The following DPP10 variants were observed in gnomAD, a reference collection of about 807,000 sequenced individuals.
The protein encoded by DPP10 is dipeptidyl peptidase like 10, also known as inactive dipeptidyl peptidase 10.
A neutral mutation model predicts 120.9 loss-of-function variants in DPP10; 33 were observed. The ratio of observed to expected loss-of-function variants is 0.27; its 90% CI spans 0.21 to 0.37. The LOEUF is 0.37. Among genes scored for constraint, DPP10 ranks in the 10% least tolerant of loss-of-function variants. The pLI, the probability that DPP10 is intolerant of heterozygous loss-of-function variation, is 1.00. For synonymous variants in DPP10, 337 were observed against 326.1 expected (o/e 1.03, Z -0.36); for missense variants, 816 against 942.8 (o/e 0.87, Z 1.76).
chr2:115,063,986 G>A (rs1205990661), intron 1 of DPP10, among the ~76,000 whole-genome samples: 1 of 152,034 alleles, frequency 6.6e-6, no homozygotes, highest in Non-Finnish European at 1.5e-5. Context: ...GTTTCACAGT[G>A]TTGGTTCAAT....
chr2:114,960,687 C>T (rs1232922522), intron 1 of DPP10, among the ~76,000 whole-genome samples: 1 of 152,102 alleles, frequency 6.6e-6, no homozygotes, highest in Non-Finnish European at 1.5e-5. Flanking sequence ...TATATCCATA[C>T]AGTTTCTGCT....
At chr2:115,286,526 A>ATATATATATATAAAT (rs10675008) in intron 1 of DPP10, among the ~76,000 whole-genome samples, 1 of 60,946 alleles carries the variant, frequency 1.6e-5, no homozygotes, top group Non-Finnish European at 3.3e-5. Context: ...ATATATATAT[A>ATATATATATATAAAT]ATATATATAT....
At chr2:115,180,242 C>T (rs78709117) in intron 1 of DPP10, among the ~76,000 whole-genome samples, 2,165 of 152,038 alleles carry the variant, frequency 0.014, 54 homozygotes, top group African/African-American at 0.049. Context: ...AAATCAACTA[C>T]GACTTTGATA....
At chr2:115,308,564 G>A (rs549931546) in intron 1 of DPP10, among the ~76,000 whole-genome samples, 9 of 152,096 alleles carry the variant, frequency 5.9e-5, no homozygotes, top group Middle Eastern at 3.4e-3. Context: ...CACATGCATC[G>A]TGAGAGATGT....
intron 3 of DPP10, among the ~76,000 whole-genome samples, chr2:115,451,662 G>A (rs2073116454): frequency 6.6e-6 from 1 of 151,942 alleles, no homozygotes; most frequent in Non-Finnish European, 1.5e-5. Flanking sequence ...TGTCTTTTAA[G>A]AAGTACTTTA....
chr2:114,532,887 G>T (rs1464113808), intron 1 of DPP10, among the ~76,000 whole-genome samples: 1 of 152,038 alleles, frequency 6.6e-6, no homozygotes, highest in Non-Finnish European at 1.5e-5. Context: ...TATCCAGCAG[G>T]GATATGATCA....
intron 1 of DPP10, among the ~76,000 whole-genome samples, chr2:114,877,921 A>G (rs944172019): frequency 6.6e-6 from 1 of 152,020 alleles, no homozygotes; most frequent in South Asian, 2.1e-4. Context: ...AAATGTTACA[A>G]CTCCAATGTC....
chr2:115,699,690 T>C (rs1270311105), intron 7 of DPP10, among the ~76,000 whole-genome samples: 1 of 152,216 alleles, frequency 6.6e-6, no homozygotes, highest in Non-Finnish European at 1.5e-5. Flanking sequence ...ACCCATTATC[T>C]GCCAGCATTA....
chr2:115,632,136 T>C (rs1054510085), intron 5 of DPP10, among the ~76,000 whole-genome samples: 2 of 152,226 alleles, frequency 1.3e-5, no homozygotes, highest in African/African-American at 4.8e-5. Flanking sequence ...TAGCTCTTCT[T>C]GTTGAATTGA....
intron 1 of DPP10, among the ~76,000 whole-genome samples, chr2:114,637,637 A>C (rs540098351): frequency 6.6e-6 from 1 of 151,930 alleles, no homozygotes; most frequent in South Asian, 2.1e-4. Context: ...TTAAATCTTT[A>C]ATCCATCTTG....
At chr2:114,744,113 A>G (rs1678333265) in intron 1 of DPP10, among the ~76,000 whole-genome samples, 1 of 152,194 alleles carries the variant, frequency 6.6e-6, no homozygotes, top group Non-Finnish European at 1.5e-5. Flanking sequence ...CAAAGCACAG[A>G]ACAGTGTAAA....
At chr2:114,788,514 C>T (rs1321365067) in intron 1 of DPP10, among the ~76,000 whole-genome samples, 1 of 151,472 alleles carries the variant, frequency 6.6e-6, no homozygotes, top group African/African-American at 2.4e-5. Flanking sequence ...CTCCTGAGTT[C>T]AAGTGATTCT....
At chr2:115,465,831 T>TAA (rs11384259) in intron 3 of DPP10, among the ~76,000 whole-genome samples, 1 of 151,906 alleles carries the variant, frequency 6.6e-6, no homozygotes, top group Non-Finnish European at 1.5e-5. Context: ...CAAAAAATAA[T>TAA]AAAAATAAAA....
chr2:115,578,667 G>T (rs756841338), intron 5 of DPP10, among the ~76,000 whole-genome samples: 28 of 152,228 alleles, frequency 1.8e-4, no homozygotes, highest in Non-Finnish European at 2.8e-4. Context: ...GATTTGAGAT[G>T]CTAATCATTA....
intron 1 of DPP10, among the ~76,000 whole-genome samples, chr2:115,277,073 T>C (rs115517794): frequency 0.011 from 1,684 of 152,304 alleles, 28 homozygotes; most frequent in African/African-American, 0.039. Flanking sequence ...ATCTTATAAA[T>C]ATGCATAGCT....
chr2:114,966,868 C>A (rs1192002953), intron 1 of DPP10, among the ~76,000 whole-genome samples: 1 of 151,882 alleles, frequency 6.6e-6, no homozygotes, highest in East Asian at 1.9e-4. Flanking sequence ...ATGGTGAAAC[C>A]CTGCCTCTAC....
At position 115,586,449 on chromosome 2, in the gene DPP10, G is replaced by T. The variant is rs576234328; in HGVS notation, c.441+60477G>T. On this transcript the variant is annotated intron_variant, in intron 5 of 25. Coordinates refer to ENST00000410059, the MANE Select transcript of DPP10 (RefSeq NM_020868.6). Reference sequence around the variant, plus strand: ...TCTCTCATATTTGGCTACATACTTTGGAAAAGATTCTGAGATGTAGGATTA... The same window carrying T: ...TCTCTCATATTTGGCTACATACTTTTGAAAAGATTCTGAGATGTAGGATTA... Among the ~76,000 whole-genome samples the T allele has an allele frequency of 9.7e-4, 147 of 152,210 alleles. 1 individual carries two copies. Among genetic ancestry groups the T allele is most frequent in the African/African-American group, 3.3e-3 (135 of 41,534 alleles).
chr2:114,469,897 A>T (rs941882396), intron 1 of DPP10, among the ~76,000 whole-genome samples: 34 of 152,190 alleles, frequency 2.2e-4, no homozygotes, highest in Admixed American at 8.5e-4. Flanking sequence ...CCTTCTTTAG[A>T]AATAGAGAAG....
chr2:114,652,644 G>A (rs531304423), intron 1 of DPP10, among the ~76,000 whole-genome samples: 1 of 152,228 alleles, frequency 6.6e-6, no homozygotes, highest in Non-Finnish European at 1.5e-5. Context: ...TATAGTGGAT[G>A]TATAATTGAT....
Sources: gnomAD v4.1 joint callset for allele counts (sites outside exome capture counted in the v4.1 genomes callset) on GRCh38, gnomAD v4.1.1 for gene constraint, MANE v1.5 for transcripts, NCBI Gene and HGNC (gene_info 2026-07-23, HGNC 2026-07-21) for gene names.